PTP4A1: variants seen among roughly 807,000 people sequenced by gnomAD.
The protein encoded by PTP4A1 is protein tyrosine phosphatase 4A1, also known as protein tyrosine phosphatase type IVA 1.
PTP4A1 carries 9 observed loss-of-function variants against 20.5 expected under a neutral mutation model. That is an observed-to-expected ratio of 0.44 (90% confidence interval 0.26 to 0.77). PTP4A1 has a LOEUF of 0.77. Among genes scored for constraint, PTP4A1 ranks in the 30% least tolerant of loss-of-function variants. The probability of loss-of-function intolerance (pLI) is 0.19; values close to 1 mark genes in which losing one functional copy is unlikely to be tolerated. For synonymous variants in PTP4A1, 78 were observed against 67.4 expected, an observed-to-expected ratio of 1.16 and a Z score of -0.77; for missense variants, 137 against 218.8, an observed-to-expected ratio of 0.63 and a Z score of 2.36.
At chr6:63,573,091 C>T (rs1218353977) in intron 1 of PTP4A1, 1 of 176,382 alleles carries the variant, frequency 5.7e-6, no homozygotes, top group Non-Finnish European at 1.2e-5. Flanking sequence ...TGACCGCCGC[C>T]TCCGCCCTTG....
At chr6:63,534,454 C>CAT (rs765119511) in intron 2 of PTP4A1, among the ~76,000 whole-genome samples, 4 of 129,948 alleles carry the variant, frequency 3.1e-5, no homozygotes, top group African/African-American at 1.3e-4. Flanking sequence ...CACAGAGAAA[C>CAT]ACACACACAC....
At chr6:63,562,153 C>T (rs1776987579) in intron 3 of PTP4A1, among the ~76,000 whole-genome samples, 2 of 151,378 alleles carry the variant, frequency 1.3e-5, no homozygotes, top group South Asian at 2.1e-4. Context: ...TTTTATTTAA[C>T]ATTACAATTA....
intron 1 of PTP4A1, among the ~76,000 whole-genome samples, chr6:63,524,777 T>C (rs192550826): frequency 6.6e-6 from 1 of 152,200 alleles, no homozygotes; most frequent in Non-Finnish European, 1.5e-5. Flanking sequence ...ATTGTATATA[T>C]TATCTCATTC....
At chr6:63,537,119 T>C (rs914226731) in intron 2 of PTP4A1, among the ~76,000 whole-genome samples, 2 of 152,296 alleles carry the variant, frequency 1.3e-5, no homozygotes, top group South Asian at 4.1e-4. Flanking sequence ...GGATTCATGA[T>C]GATAAAGTGA....
upstream of PTP4A1, chr6:63,571,967 A>C (rs1298505887): frequency 1.3e-5 from 2 of 152,194 alleles, no homozygotes; most frequent in Non-Finnish European, 2.9e-5. Context: ...ATATTATTTG[A>C]TGACGAAGGT....
At chr6:63,520,368 T>G (rs1354592294), upstream of PTP4A1, among the ~76,000 whole-genome samples, 1 of 152,206 alleles carries the variant, frequency 6.6e-6, no homozygotes, top group East Asian at 1.9e-4. Context: ...GGCTCATGCC[T>G]GTAATCCCAG....
intron 2 of PTP4A1, among the ~76,000 whole-genome samples, chr6:63,532,545 G>A (rs931997294): frequency 4.0e-5 from 6 of 151,808 alleles, no homozygotes; most frequent in African/African-American, 1.5e-4. Flanking sequence ...GTGCAAACCA[G>A]GTAAATAAAT....
At position 63,582,162 on chromosome 6, in the gene PTP4A1, A is replaced by G. The variant is rs997598121; in HGVS notation, c.*1988A>G. The G allele has an allele frequency of 3.3e-5, 5 of 151,938 alleles. No individual in the cohort carries two copies. Among genetic ancestry groups the G allele is most frequent in the African/African-American group, 1.2e-4 (5 of 41,396 alleles). The allele number at this position is 151,938 out of a possible 1,614,324, so 9.4% of individuals were successfully genotyped here. A position where few individuals can be genotyped will look rare whatever the true frequency, so the allele number is the denominator to read the frequency against. On this transcript the variant is annotated 3_prime_UTR_variant, in exon 6 of 6. Coordinates refer to ENST00000626021, the MANE Select transcript of PTP4A1 (RefSeq NM_003463.5). ...GGATTATTTGTGATAGTAATCACAAATTTTTGGCTAATTTTTAACCTGAGG... is the reference window on the plus strand; with the variant it reads ...GGATTATTTGTGATAGTAATCACAAGTTTTTGGCTAATTTTTAACCTGAGG...
Position 63,574,493 on chromosome 6 carries a change from C to CTCAG in PTP4A1, c.-446+1775_-446+1776insCAGT, listed in dbSNP as rs1445677811. ...TTTAACAGACGAGTCCCCCCATCCA[C>CTCAG]TAGGTGGCTCCACTCAGTAAAAATA... On this transcript the variant is annotated intron_variant, in intron 1 of 5. Transcript: ENST00000626021. 5.3e-5 allele frequency among the ~76,000 whole-genome samples: 8 copies of CTCAG among 152,258 alleles called. No individual in the cohort carries two copies. The East Asian group carries it at 1.5e-3, about 29-fold the overall frequency.
rs1277012675 is a variant in PTP4A1, at chr6:63,583,310, A to G, written c.*3136A>G. ...ATATTCTACATTCTTGCTTCCTTAA[A>G]TTAATATGTTTGTGTGTATATATGT... On this transcript the variant is annotated 3_prime_UTR_variant, in exon 6 of 6. Transcript: ENST00000626021. 6.6e-6 allele frequency: 1 copy of G among 152,226 alleles called. No homozygotes were observed. The highest frequency in any genetic ancestry group is 1.5e-5 in the Non-Finnish European group (1 of 68,036). 9.4% of individuals were successfully genotyped at this position (152,226 alleles called of 1,614,324 possible). A position where few individuals can be genotyped will look rare whatever the true frequency, so the allele number is the denominator to read the frequency against.
At position 63,549,113 on chromosome 6, in the gene PTP4A1, T is replaced by G. The variant is rs1043472234; in HGVS notation, c.-639-1187T>G. The G allele has an allele frequency of 2.2e-4, 151 of 701,014 alleles. 1 individual carries two copies. The East Asian group carries it at 3.9e-3, about 18-fold the overall frequency. 43.4% of individuals were successfully genotyped at this position (701,014 alleles called of 1,614,324 possible). A position where few individuals can be genotyped will look rare whatever the true frequency, so the allele number is the denominator to read the frequency against. ...TAACTCCTGCTCGAAGGACAGGTGG[T>G]CTCTTAGTGGGGATGCCCCCTTTGC... On this transcript the variant is annotated intron_variant, in intron 2 of 3. Transcript: ENST00000639568.
intron 2 of PTP4A1, among the ~76,000 whole-genome samples, chr6:63,545,412 C>T (rs1435555781): frequency 6.6e-6 from 1 of 151,980 alleles, no homozygotes; most frequent in Non-Finnish European, 1.5e-5. Flanking sequence ...GAGCTTGAGA[C>T]CAGGCTGGCC....
At chr6:63,521,561 A>G (rs930500477), upstream of PTP4A1, among the ~76,000 whole-genome samples, 22 of 152,230 alleles carry the variant, frequency 1.4e-4, no homozygotes, top group Non-Finnish European at 2.8e-4. Context: ...TTATACTACC[A>G]TTAACCACCA....
At chr6:63,546,348 G>A (rs144170115) in intron 2 of PTP4A1, among the ~76,000 whole-genome samples, 37 of 152,326 alleles carry the variant, frequency 2.4e-4, no homozygotes, top group African/African-American at 8.4e-4. Context: ...CATAGAAGCA[G>A]AGAGTAGAAT....
chr6:63,553,922 G>GA (rs1776556352), intron 3 of PTP4A1, among the ~76,000 whole-genome samples: 1 of 152,084 alleles, frequency 6.6e-6, no homozygotes, highest in African/African-American at 2.4e-5. Context: ...AAATACGAAA[G>GA]AAAAATAGCA....
chr6:63,525,172 A>G (rs997885155), intron 1 of PTP4A1, among the ~76,000 whole-genome samples: 10 of 152,246 alleles, frequency 6.6e-5, no homozygotes, highest in African/African-American at 2.4e-4. Flanking sequence ...ACTCTGGTAC[A>G]GATTTCAAAA....
At chr6:63,548,203 T>A (rs1776287411) in intron 2 of PTP4A1, among the ~76,000 whole-genome samples, 1 of 152,232 alleles carries the variant, frequency 6.6e-6, no homozygotes, top group Non-Finnish European at 1.5e-5. Flanking sequence ...TAACACTTTC[T>A]GCATTACTGT....
In PTP4A1 at chr6:63,544,691, G is replaced by A. The variant is rs116085923; in HGVS notation, c.-639-5609G>A. Among the ~76,000 whole-genome samples, 250 of 152,196 alleles carry A rather than the reference G, an allele frequency of 1.6e-3. 2 individuals are homozygous for A. In the Middle Eastern group the frequency reaches 0.017, roughly 10 times the overall value. On this transcript the variant is annotated intron_variant, in intron 2 of 3. Transcript: ENST00000639568. ...AGTACAAGCCAATTATACCAAGAAT[G>A]TTTCTCAGTTTGGGTTTTTCTGATG...
chr6:63,576,764 C>T lies in PTP4A1; in HGVS notation c.-117C>T. 1.3e-6 allele frequency: 1 copy of T among 757,390 alleles called. No homozygotes were observed. Among genetic ancestry groups the T allele is most frequent in the Admixed American group, 2.8e-5 (1 of 35,260 alleles). 46.9% of individuals were successfully genotyped at this position (757,390 alleles called of 1,614,324 possible). A position where few individuals can be genotyped will look rare whatever the true frequency, so the allele number is the denominator to read the frequency against. Reference sequence around the variant, plus strand: ...ATTACTTACAACTTCATACTCAAAGCACTGAGAATTTCAAGTGGAGTATAT... The same window carrying T: ...ATTACTTACAACTTCATACTCAAAGTACTGAGAATTTCAAGTGGAGTATAT... On this transcript the variant is annotated 5_prime_UTR_variant, in exon 2 of 6. Transcript: ENST00000626021.
Sources: gnomAD v4.1 joint callset for allele counts (sites outside exome capture counted in the v4.1 genomes callset) on GRCh38, gnomAD v4.1.1 for gene constraint, MANE v1.5 for transcripts, NCBI Gene and HGNC (gene_info 2026-07-23, HGNC 2026-07-21) for gene names.